The following SFT2D1 variants were observed in gnomAD, a reference collection of about 807,000 sequenced individuals.
The protein encoded by SFT2D1 is vesicle transport protein SFT2A.
SFT2D1 carries 24 observed loss-of-function variants against 28.1 expected under a neutral mutation model. The ratio of observed to expected loss-of-function variants is 0.85; its 90% CI spans 0.62 to 1.20. SFT2D1 has a LOEUF of 1.20. Among genes scored for constraint, SFT2D1 ranks in the 50% most tolerant of loss-of-function variants. The probability of loss-of-function intolerance (pLI) is 0.00; values close to 1 mark genes in which losing one functional copy is unlikely to be tolerated. For missense variants in SFT2D1, 181 were observed against 190.9 expected (o/e 0.95, Z 0.31); for synonymous variants, 82 against 73.7 (o/e 1.11, Z -0.58).
chr6:166,342,527 C>T lies in SFT2D1; in HGVS notation c.-46G>A. On this transcript the variant is annotated 5_prime_UTR_variant, in exon 1 of 8. Transcript: ENST00000361731. ...GCGGCCGCCACTCTGTTGCCTGCCCCTGACGCCCACCAGGAAACCCCGAAC... is the reference window on the plus strand; with the variant it reads ...GCGGCCGCCACTCTGTTGCCTGCCCTTGACGCCCACCAGGAAACCCCGAAC... 2 of 1,480,710 alleles carry T rather than the reference C, an allele frequency of 1.4e-6. No homozygotes were observed. Among genetic ancestry groups the T allele is most frequent in the Non-Finnish European group, 1.8e-6 (2 of 1,087,410 alleles). 91.7% of individuals were successfully genotyped at this position (1,480,710 alleles called of 1,614,324 possible). A position where few individuals can be genotyped will look rare whatever the true frequency, so the allele number is the denominator to read the frequency against.
intron 4 of SFT2D1, among the ~76,000 whole-genome samples, chr6:166,326,658 A>G (rs569827521): frequency 5.7e-4 from 87 of 152,354 alleles, no homozygotes; most frequent in African/African-American, 2.0e-3. Context: ...TTGAGCTAGA[A>G]GCTGGCATGT....
intron 1 of SFT2D1, chr6:166,335,402 C>A: frequency 1.8e-6 from 1 of 570,640 alleles, no homozygotes; most frequent in South Asian, 1.4e-5. Flanking sequence ...AAATTTTGGA[C>A]CCATAAAGGG....
At chr6:166,335,454 G>T in intron 1 of SFT2D1, 1 of 547,412 alleles carries the variant, frequency 1.8e-6, no homozygotes, top group South Asian at 1.4e-5. Context: ...TATGGTGGTG[G>T]AGAACAATAC....
intron 1 of SFT2D1, chr6:166,335,596 C>A: frequency 2.7e-6 from 1 of 371,942 alleles, no homozygotes; most frequent in East Asian, 6.4e-5. Context: ...TTTGAAAAAT[C>A]AGACCTTGGC....
At chr6:166,331,139 T>A (rs1272392419) in intron 1 of SFT2D1, among the ~76,000 whole-genome samples, 2 of 152,152 alleles carry the variant, frequency 1.3e-5, no homozygotes, top group East Asian at 3.8e-4. Context: ...ATAAACACAC[T>A]CAGATTACTA....
At chr6:166,335,156 G>T in intron 1 of SFT2D1, 1 of 616,348 alleles carries the variant, frequency 1.6e-6, no homozygotes, top group East Asian at 4.2e-5. Flanking sequence ...AGCCAAAGAG[G>T]TCGAAGTGCT....
At chr6:166,326,196 G>A (rs10806847) in intron 4 of SFT2D1, 29 bp from the exon 5 acceptor site, 1,222,974 of 1,598,678 alleles carry the variant, frequency 0.76, 470,035 homozygotes, top group East Asian at 0.92. Context: ...TAGATTATAA[G>A]TTTGAGATCC....
chr6:166,322,689 C>CAAA (rs1159615099), intron 7 of SFT2D1, among the ~76,000 whole-genome samples, 168 bp downstream of exon 7: 51 of 54,344 alleles, frequency 9.4e-4, no homozygotes, highest in East Asian at 2.5e-3. Context: ...GACTCTGTCT[C>CAAA]AAAAAAAAAA....
chr6:166,336,571 C>T (rs1220780479), intron 1 of SFT2D1, among the ~76,000 whole-genome samples: 1 of 152,140 alleles, frequency 6.6e-6, no homozygotes. Flanking sequence ...GCAGATTCGG[C>T]GTCTGGTGAG....
At position 166,329,443 on chromosome 6, in the gene SFT2D1, T is replaced by C. The variant is rs1328841367; in HGVS notation, c.233+64A>G. On this transcript the variant is annotated intron_variant, in intron 3 of 7. Coordinates refer to ENST00000361731, the MANE Select transcript of SFT2D1 (RefSeq NM_145169.3). ...CTACATAAACATCCTACTGGGAAAGTGCTTATTAGAAAGGTAAATTTGGTA... is the reference window on the plus strand; with the variant it reads ...CTACATAAACATCCTACTGGGAAAGCGCTTATTAGAAAGGTAAATTTGGTA... 3.6e-6 allele frequency: 5 copies of C among 1,379,962 alleles called. No homozygotes were observed. The South Asian group carries it at 3.6e-5, about 10-fold the overall frequency. 85.5% of individuals were successfully genotyped at this position (1,379,962 alleles called of 1,614,324 possible).
intron 5 of SFT2D1, 22 bp from the exon 6 acceptor site, chr6:166,324,617 C>T: frequency 6.2e-7 from 1 of 1,602,530 alleles, no homozygotes; most frequent in Non-Finnish European, 8.5e-7. Context: ...AAAAACAGAG[C>T]AATTATGAGT....
At chr6:166,336,290 G>C (rs1261071494) in intron 1 of SFT2D1, among the ~76,000 whole-genome samples, 1 of 152,080 alleles carries the variant, frequency 6.6e-6, no homozygotes, top group Non-Finnish European at 1.5e-5. Flanking sequence ...GTGACCTGAA[G>C]TTCACCACCA....
chr6:166,320,228 GAGA>G lies in SFT2D1; in HGVS notation c.466_468del (p.Ser156del). ...CAAGTTTCTGATTTTCAACTTAGGA[GAGA>G]AGAACAGCATTTAATAACTGCATCC... On this transcript the variant is annotated inframe_deletion, in exon 8 of 8. Transcript: ENST00000361731. 6.2e-7 allele frequency: 1 copy of G among 1,612,026 alleles called. No individual in the cohort carries two copies. Among genetic ancestry groups the G allele is most frequent in the Non-Finnish European group, 8.5e-7 (1 of 1,179,288 alleles).
rs371105029 is a variant in SFT2D1, at chr6:166,330,188, G to A, written c.123C>T (p.Phe41=). 4.9e-5 allele frequency: 78 copies of A among 1,604,926 alleles called. No homozygotes were observed. The highest frequency in any genetic ancestry group is 3.9e-4 in the African/African-American group (29 of 74,352). Residue 41 remains phenylalanine (F), a synonymous_variant, in exon 2 of 8, where the codon TTC becomes TTT. Coordinates refer to ENST00000361731, the MANE Select transcript of SFT2D1 (RefSeq NM_145169.3). ...GAATAGAAAAGAAAACGCCACATAC[G>A]AAGCAGATGGCAAACCATTTCAATC... is the stretch of plus-strand genomic sequence containing the variant. ...NTRLKWFAIC[F]VCGVFFSILG... is the part of the protein sequence containing the mutation.
intron 6 of SFT2D1, 179 bp downstream of exon 6, chr6:166,324,358 C>T (rs1454465846): frequency 9.1e-6 from 5 of 552,024 alleles, no homozygotes; most frequent in East Asian, 3.0e-5. Flanking sequence ...CGAACAGTAC[C>T]ACTGAGCCAC....
chr6:166,330,557 A>T (rs946609945), intron 1 of SFT2D1, among the ~76,000 whole-genome samples: 2 of 152,218 alleles, frequency 1.3e-5, no homozygotes, highest in African/African-American at 2.4e-5. Flanking sequence ...TATATTATAA[A>T]ATATACAAAG....
intron 1 of SFT2D1, among the ~76,000 whole-genome samples, chr6:166,337,602 C>G (rs1212865476): frequency 1.3e-5 from 2 of 152,134 alleles, no homozygotes; most frequent in African/African-American, 4.8e-5. Flanking sequence ...TCACCCACAC[C>G]TACCATGGGA....
At chr6:166,342,289 TA>T in intron 1 of SFT2D1, 129 bp downstream of exon 1, 1 of 768,440 alleles carries the variant, frequency 1.3e-6, no homozygotes. Context: ...GGAGCCCTCC[TA>T]AATCAACCAG....
intron 7 of SFT2D1, among the ~76,000 whole-genome samples, chr6:166,321,173 G>A (rs1361397676): frequency 6.6e-6 from 1 of 151,450 alleles, no homozygotes; most frequent in African/African-American, 2.4e-5. Flanking sequence ...TGAATCCTCA[G>A]AATTAAAAGA....
Sources: gnomAD v4.1 joint callset for allele counts (sites outside exome capture counted in the v4.1 genomes callset) on GRCh38, gnomAD v4.1.1 for gene constraint, MANE v1.5 for transcripts, NCBI Gene and HGNC (gene_info 2026-07-23, HGNC 2026-07-21) for gene names.